The following MTUS1 variants were observed in gnomAD, a reference collection of about 807,000 sequenced individuals.
The protein encoded by MTUS1 is microtubule-associated tumor suppressor 1.
In MTUS1, 109 loss-of-function variants were observed where a neutral mutation model predicts 120.8. The observed-to-expected ratio is 0.90, with a 90% CI of 0.77 to 1.06. The LOEUF is 1.06. MTUS1 is among the 50% of genes least tolerant of loss of function. The pLI, the probability that MTUS1 is intolerant of heterozygous loss-of-function variation, is 0.00. For synonymous variants in MTUS1, 737 were observed against 550.5 expected, an observed-to-expected ratio of 1.34 and a Z score of -4.74; for missense variants, 2,210 against 1,486.3, an observed-to-expected ratio of 1.49 and a Z score of -8.01.
chr8:17,762,300 C>A (rs1290483706), intron 1 of MTUS1, among the ~76,000 whole-genome samples: 1 of 151,962 alleles, frequency 6.6e-6, no homozygotes, highest in Non-Finnish European at 1.5e-5. Context: ...AAAACAAAAA[C>A]AAAAATTAAG....
intron 3 of MTUS1, among the ~76,000 whole-genome samples, chr8:17,737,639 C>A (rs954009137): frequency 6.6e-6 from 1 of 152,076 alleles, no homozygotes; most frequent in Non-Finnish European, 1.5e-5. Flanking sequence ...AAGTGTGTGC[C>A]ACTTGCCCAG....
chr8:17,702,235 G>A (rs556190738), intron 6 of MTUS1, among the ~76,000 whole-genome samples: 63 of 152,222 alleles, frequency 4.1e-4, no homozygotes, highest in African/African-American at 1.3e-3. Context: ...CTTATTCTTC[G>A]CCAGTACCAG....
chr8:17,647,890 A>G (rs920877329), intron 13 of MTUS1, among the ~76,000 whole-genome samples: 1 of 152,216 alleles, frequency 6.6e-6, no homozygotes, highest in African/African-American at 2.4e-5. Flanking sequence ...TTGTCCTTGT[A>G]GCAGGACTAA....
In MTUS1 at chr8:17,723,652, G is replaced by A. The variant is rs200323977; in HGVS notation, c.2449+20C>T. On this transcript the variant is annotated intron_variant, in intron 4 of 14. Coordinates refer to ENST00000693296, the MANE Select transcript of MTUS1 (RefSeq NM_001363059.2). ...TGACTGTTTCCACAACCCCCGAAGT[G>A]TGATATAAAGTCGACTTACAATTGT... 59 of 1,600,256 alleles carry A rather than the reference G, an allele frequency of 3.7e-5. No homozygotes were observed. Among genetic ancestry groups the A allele is most frequent in the Non-Finnish European group, 4.7e-5 (55 of 1,168,016 alleles).
chr8:17,706,392 C>T (rs1219369552), intron 6 of MTUS1, among the ~76,000 whole-genome samples: 1 of 152,200 alleles, frequency 6.6e-6, no homozygotes, highest in South Asian at 2.1e-4. Flanking sequence ...ACCAACATCC[C>T]GTGCCTTAAA....
At chr8:17,671,856 G>GT (rs1448205635) in intron 8 of MTUS1, among the ~76,000 whole-genome samples, 1 of 152,166 alleles carries the variant, frequency 6.6e-6, no homozygotes, top group Admixed American at 6.6e-5. Context: ...GACGGCGATA[G>GT]TGGCAGCTCT....
intron 9 of MTUS1, 40 bp from the exon 10 acceptor site, chr8:17,654,706 C>G (rs752142777): frequency 6.3e-6 from 9 of 1,436,410 alleles, no homozygotes; most frequent in Non-Finnish European, 7.9e-6. Flanking sequence ...ACAGTAAAAC[C>G]AAATGTCCTA....
chr8:17,657,612 A>G (rs1808672782), intron 8 of MTUS1, among the ~76,000 whole-genome samples: 1 of 149,992 alleles, frequency 6.7e-6, no homozygotes. Context: ...TGCACCTAGG[A>G]GTTCATGACC....
At chr8:17,656,353 C>A (rs1808224667) in intron 8 of MTUS1, among the ~76,000 whole-genome samples, 1 of 151,932 alleles carries the variant, frequency 6.6e-6, no homozygotes, top group African/African-American at 2.4e-5. Context: ...CATGGTAAAA[C>A]CCTGTCTATC....
At chr8:17,759,652 G>A (rs919667060) in intron 1 of MTUS1, among the ~76,000 whole-genome samples, 8 of 146,996 alleles carry the variant, frequency 5.4e-5, no homozygotes, top group South Asian at 2.1e-4. Flanking sequence ...ATAAAAATAC[G>A]TAATATAAAA....
At chr8:17,646,836 T>C (rs1178919526) in intron 14 of MTUS1, 146 bp downstream of exon 14, 3 of 637,086 alleles carry the variant, frequency 4.7e-6, no homozygotes, top group Non-Finnish European at 8.3e-6. Context: ...ACTACAATCA[T>C]ATTTTCCACA....
chr8:17,753,855 C>G lies in MTUS1; in HGVS notation c.1953G>C (p.Leu651Phe). The part of the protein sequence containing the change: ...LPVKMESAEC[L>F]EMTYVPNIDR... Reference sequence around the variant, plus strand: ...CAATGTTGGGAACATAGGTCATTTCCAAACATTCTGCACTTTCCATTTTAA... The same window carrying G: ...CAATGTTGGGAACATAGGTCATTTCGAAACATTCTGCACTTTCCATTTTAA... Residue 651 changes from leucine (L) to phenylalanine (F), a missense_variant, in exon 2 of 15, where the codon TTG (leucine) becomes TTC (phenylalanine). Physicochemically the swap from Leu to Phe is conservative, Grantham distance 22. Transcript: ENST00000693296. 1 of 1,614,122 alleles carries G rather than the reference C, an allele frequency of 6.2e-7. No homozygotes were observed. The highest frequency in any genetic ancestry group is 1.1e-5 in the South Asian group (1 of 91,078).
intron 1 of MTUS1, among the ~76,000 whole-genome samples, chr8:17,783,417 C>A (rs953156620): frequency 2.0e-5 from 3 of 152,168 alleles, no homozygotes; most frequent in African/African-American, 4.8e-5. Flanking sequence ...CTCAGCACTC[C>A]AGGACTGGCC....
chr8:17,666,346 G>A (rs1448601550), intron 8 of MTUS1, among the ~76,000 whole-genome samples: 2 of 151,624 alleles, frequency 1.3e-5, no homozygotes, highest in African/African-American at 4.8e-5. Flanking sequence ...CCTCACTGAC[G>A]GATCATTTTT....
intron 1 of MTUS1, among the ~76,000 whole-genome samples, chr8:17,766,562 G>A (rs974699456): frequency 1.3e-5 from 2 of 152,192 alleles, no homozygotes; most frequent in East Asian, 1.9e-4. Context: ...GTATTTGTGA[G>A]GCAATCTATG....
At chr8:17,766,614 G>C (rs1311454256) in intron 1 of MTUS1, among the ~76,000 whole-genome samples, 1 of 152,234 alleles carries the variant, frequency 6.6e-6, no homozygotes, top group South Asian at 2.1e-4. Context: ...GAAATTTGTA[G>C]AACGCATGGC....
At chr8:17,689,315 C>T (rs1048651441) in intron 6 of MTUS1, among the ~76,000 whole-genome samples, 38 of 152,126 alleles carry the variant, frequency 2.5e-4, no homozygotes, top group Non-Finnish European at 5.4e-4. Flanking sequence ...CTTTTCATTA[C>T]TATATTGGTA....
Position 17,754,150 on chromosome 8 carries a change from A to G in MTUS1, c.1658T>C (p.Leu553Ser), listed in dbSNP as rs1563326469. The change falls in exon 2 of 15, where the codon TTG (leucine) becomes TCG (serine). Residue 553 changes from leucine to serine, a missense_variant. Coordinates refer to ENST00000693296, the MANE Select transcript of MTUS1 (RefSeq NM_001363059.2). The part of the protein sequence containing the change: ...SSVNSRQQTV[L>S]SRTPRSDLNA... ...CAAGTCAGATCTCGGTGTTCTGCTC[A>G]AGACTGTTTGTTGTCTTGAATTCAC... 2 of 1,613,772 alleles carry G rather than the reference A, an allele frequency of 1.2e-6. No homozygotes were observed. Among genetic ancestry groups the G allele is most frequent in the Non-Finnish European group, 1.7e-6 (2 of 1,180,012 alleles).
chr8:17,711,904 G>C (rs143332173), intron 6 of MTUS1, among the ~76,000 whole-genome samples: 2 of 152,312 alleles, frequency 1.3e-5, no homozygotes, highest in South Asian at 2.1e-4. Flanking sequence ...AAAAGGGAGA[G>C]AGATGGAAGA....
Sources: allele counts gnomAD v4.1 joint callset (sites outside exome capture counted in the v4.1 genomes callset), GRCh38; gene constraint gnomAD v4.1.1; transcripts MANE v1.5; gene names NCBI Gene and HGNC (gene_info 2026-07-23, HGNC 2026-07-21).